The following RNF17 variants were observed in gnomAD, a reference collection of about 807,000 sequenced individuals.
RNF17 encodes ring finger protein 17.
RNF17 carries 31 observed loss-of-function variants against 200.5 expected under a neutral mutation model. The ratio of observed to expected loss-of-function variants is 0.15; its 90% CI spans 0.12 to 0.21. RNF17 has a LOEUF of 0.21. RNF17 is among the 10% of genes least tolerant of loss of function. The pLI is 1.00. For missense variants in RNF17, 1,628 were observed against 1,905.1 expected (o/e 0.85, Z 2.71); for synonymous variants, 606 against 637.8 (o/e 0.95, Z 0.75).
chr13:24,838,310 G>A (rs1305669053), intron 18 of RNF17, among the ~76,000 whole-genome samples: 4 of 152,110 alleles, frequency 2.6e-5, no homozygotes, highest in Non-Finnish European at 5.9e-5. Flanking sequence ...AGAGAAAGAA[G>A]GAACCCTCCC....
At position 24,764,228 on chromosome 13, in the gene RNF17, G is replaced by A; in HGVS notation, c.25G>A (p.Gly9Arg). 1.2e-6 allele frequency: 2 copies of A among 1,604,170 alleles called. No homozygotes were observed. Among genetic ancestry groups the A allele is most frequent in the Non-Finnish European group, 1.7e-6 (2 of 1,172,380 alleles). The change falls in exon 1 of 36, where the codon GGG (glycine) becomes AGG (arginine). Residue 9 changes from glycine (G) to arginine (R), a missense_variant. Coordinates refer to ENST00000255324, the MANE Select transcript of RNF17 (RefSeq NM_031277.3). ...GATGGCGGCAGAGGCTTCGAAGACT[G>A]GGCCTTCTAGGTCTTCCTACCAGCG... MAAEASKT[G>R]PSRSSYQRMG...
At chr13:24,769,343 T>C in intron 2 of RNF17, among the ~76,000 whole-genome samples, 1 of 152,198 alleles carries the variant, frequency 6.6e-6, no homozygotes, top group East Asian at 1.9e-4. Context: ...ATCTATTTTG[T>C]ATCATTGACT....
At chr13:24,752,574 T>C in the RNF17 span, among the ~76,000 whole-genome samples, 1 of 152,242 alleles carries the variant, frequency 6.6e-6, no homozygotes, top group African/African-American at 2.4e-5. Context: ...AACTCTGATA[T>C]ATATACACAA....
At chr13:24,761,585 T>C (rs989156046), upstream of RNF17, among the ~76,000 whole-genome samples, 5 of 152,200 alleles carry the variant, frequency 3.3e-5, no homozygotes, top group Non-Finnish European at 7.3e-5. Context: ...GTTTAGGAGA[T>C]GATTTTAGAG....
intron 14 of RNF17, among the ~76,000 whole-genome samples, chr13:24,803,285 C>T (rs1885473461): frequency 6.6e-6 from 1 of 152,052 alleles, no homozygotes; most frequent in African/African-American, 2.4e-5. Flanking sequence ...TTTAAAGTTT[C>T]TTTGTCCATC....
At chr13:24,822,415 T>C (rs1402963486) in intron 15 of RNF17, among the ~76,000 whole-genome samples, 5 of 151,858 alleles carry the variant, frequency 3.3e-5, no homozygotes, top group African/African-American at 1.2e-4. Flanking sequence ...AAGTAATTTC[T>C]TTTTTTTGTT....
upstream of RNF17, among the ~76,000 whole-genome samples, chr13:24,762,140 C>T (rs1878799310): frequency 6.6e-6 from 1 of 152,008 alleles, no homozygotes; most frequent in African/African-American, 2.4e-5. Context: ...AGGCCTAAGG[C>T]GGGCAGACTG....
At chr13:24,863,960 T>TG (rs1309885989) in intron 28 of RNF17, among the ~76,000 whole-genome samples, 1 of 152,136 alleles carries the variant, frequency 6.6e-6, no homozygotes, top group African/African-American at 2.4e-5. Context: ...GACACACAGC[T>TG]GGGGGCTGAG....
downstream of RNF17, among the ~76,000 whole-genome samples, chr13:24,881,418 G>A (rs1415703976): frequency 6.6e-6 from 1 of 152,064 alleles, no homozygotes; most frequent in Non-Finnish European, 1.5e-5. Context: ...TGGGATTACA[G>A]GTGTGAGCCA....
chr13:24,759,997 C>T (rs1272935182), upstream of RNF17, among the ~76,000 whole-genome samples: 1 of 152,032 alleles, frequency 6.6e-6, no homozygotes, highest in Non-Finnish European at 1.5e-5. Flanking sequence ...AAAAAATTAG[C>T]CAGGCGTGGG....
downstream of RNF17, chr13:24,883,097 A>G: frequency 7.9e-7 from 1 of 1,271,418 alleles, no homozygotes; most frequent in Non-Finnish European, 1.1e-6. Flanking sequence ...TACACAATAA[A>G]TTAAACAGAA....
intron 15 of RNF17, among the ~76,000 whole-genome samples, chr13:24,810,701 T>C (rs1244427268): frequency 6.8e-6 from 1 of 146,222 alleles, no homozygotes; most frequent in African/African-American, 2.6e-5. Flanking sequence ...TAGCTGGTTA[T>C]TTTGCTCGTT....
chr13:24,800,295 C>T, intron 12 of RNF17, 71 bp from the exon 13 acceptor site: 1 of 1,060,844 alleles, frequency 9.4e-7, no homozygotes. Flanking sequence ...GAAATGCATA[C>T]CTTCTGTGGG....
intron 6 of RNF17, among the ~76,000 whole-genome samples, chr13:24,787,021 T>C (rs1464159104): frequency 6.6e-6 from 1 of 152,176 alleles, no homozygotes; most frequent in Non-Finnish European, 1.5e-5. Context: ...GTTTTTATTT[T>C]TTTCAGGCTT....
At chr13:24,772,426 A>ATTTTTTTTTTTT (rs34066913) in intron 2 of RNF17, among the ~76,000 whole-genome samples, 84 of 105,948 alleles carry the variant, frequency 7.9e-4, no homozygotes, top group Non-Finnish European at 1.0e-3. Context: ...TTGAGTCTCC[A>ATTTTTTTTTTTT]TTTTTTTTTT....
At chr13:24,886,285 G>A in the RNF17 span, 10 of 1,287,662 alleles carry the variant, frequency 7.8e-6, no homozygotes, top group Non-Finnish European at 1.0e-5. Context: ...GTTAAAAAGT[G>A]TAACAGAGCT....
At chr13:24,764,663 G>A (rs1015055131) in intron 1 of RNF17, among the ~76,000 whole-genome samples, 8 of 152,222 alleles carry the variant, frequency 5.3e-5, no homozygotes, top group Admixed American at 6.5e-5. Context: ...GACATAAAAT[G>A]TAGCCCATTG....
intron 2 of RNF17, among the ~76,000 whole-genome samples, chr13:24,773,491 C>A (rs760255965): frequency 4.6e-5 from 7 of 152,112 alleles, no homozygotes; most frequent in Non-Finnish European, 7.4e-5. Flanking sequence ...CAAGTGGGAG[C>A]TAAACATTGG....
At chr13:24,754,825 A>G in the RNF17 span, among the ~76,000 whole-genome samples, 1 of 151,952 alleles carries the variant, frequency 6.6e-6, no homozygotes, top group African/African-American at 2.4e-5. Context: ...GAGCCCTGGA[A>G]GTCCAGGCAA....
Sources: allele counts gnomAD v4.1 joint callset (sites outside exome capture counted in the v4.1 genomes callset), GRCh38; gene constraint gnomAD v4.1.1; transcripts MANE v1.5; gene names NCBI Gene and HGNC (gene_info 2026-07-23, HGNC 2026-07-21).